The following IGSF11 variants were observed in gnomAD, a reference collection of about 807,000 sequenced individuals.
IGSF11 encodes CXADR like 1.
IGSF11 carries 22 observed loss-of-function variants against 41.0 expected under a neutral mutation model. The observed-to-expected ratio is 0.54, with a 90% CI of 0.38 to 0.77. The LOEUF is 0.77. Among genes scored for constraint, IGSF11 ranks in the 30% least tolerant of loss-of-function variants. The pLI is 0.00. For synonymous variants in IGSF11, 219 were observed against 201.3 expected (o/e 1.09, Z -0.74); for missense variants, 444 against 530.8 (o/e 0.84, Z 1.61).
At chr3:119,046,007 C>G (rs1467470388) in intron 1 of IGSF11, among the ~76,000 whole-genome samples, 1 of 151,384 alleles carries the variant, frequency 6.6e-6, no homozygotes, top group Non-Finnish European at 1.5e-5. Context: ...TCACCATCAT[C>G]AAAGACCAAA....
chr3:118,983,913 T>G (rs1405636816), intron 1 of IGSF11, among the ~76,000 whole-genome samples: 1 of 152,170 alleles, frequency 6.6e-6, no homozygotes, highest in African/African-American at 2.4e-5. Flanking sequence ...AACTTAATCT[T>G]GGCACATTTC....
intron 1 of IGSF11, among the ~76,000 whole-genome samples, chr3:118,939,098 C>T (rs966392030): frequency 6.6e-6 from 1 of 152,180 alleles, no homozygotes; most frequent in Non-Finnish European, 1.5e-5. Context: ...TTAGGATGTT[C>T]TACCTAACAC....
At chr3:119,073,121 C>G (rs1030008439) in intron 1 of IGSF11, among the ~76,000 whole-genome samples, 3 of 152,050 alleles carry the variant, frequency 2.0e-5, no homozygotes, top group Non-Finnish European at 4.4e-5. Context: ...AAACCTTGAG[C>G]TAGACACAGA....
At chr3:118,951,024 C>T (rs1393733443) in intron 1 of IGSF11, among the ~76,000 whole-genome samples, 2 of 152,142 alleles carry the variant, frequency 1.3e-5, no homozygotes, top group Admixed American at 1.3e-4. Context: ...ATTTACAAGC[C>T]ATTAGGTCAG....
upstream of IGSF11, among the ~76,000 whole-genome samples, chr3:119,109,419 A>G (rs976643905): frequency 4.6e-5 from 7 of 152,138 alleles, no homozygotes; most frequent in Admixed American, 2.6e-4. Context: ...TGTAATTCTG[A>G]GGGATCGGTG....
chr3:119,029,237 T>TAC (rs10662902), intron 1 of IGSF11, among the ~76,000 whole-genome samples: 14,817 of 123,020 alleles, frequency 0.12, 841 homozygotes, highest in African/African-American at 0.17. Context: ...CTTTTGGGAA[T>TAC]ACACACACAC....
intron 1 of IGSF11, among the ~76,000 whole-genome samples, chr3:119,057,467 A>G (rs527444983): frequency 8.4e-4 from 128 of 152,316 alleles, no homozygotes; most frequent in African/African-American, 3.0e-3. Context: ...TCAATGAAAT[A>G]AAAGAGGATA....
chr3:118,981,295 A>G (rs948103589), intron 1 of IGSF11, among the ~76,000 whole-genome samples: 6 of 152,054 alleles, frequency 3.9e-5, no homozygotes, highest in Admixed American at 3.3e-4. Context: ...TCAGCCTCCC[A>G]AGTAGCTGGG....
At chr3:118,975,150 A>C (rs1220219476) in intron 1 of IGSF11, among the ~76,000 whole-genome samples, 1 of 152,208 alleles carries the variant, frequency 6.6e-6, no homozygotes, top group Admixed American at 6.5e-5. Flanking sequence ...CTGGAGAAGA[A>C]ATTCTCCTCT....
chr3:118,941,158 T>C (rs1317741739), intron 1 of IGSF11, among the ~76,000 whole-genome samples: 1 of 151,970 alleles, frequency 6.6e-6, no homozygotes. Flanking sequence ...TAAAACAAGG[T>C]AAGTTTCTTG....
At chr3:119,005,725 C>T (rs370022259) in intron 1 of IGSF11, among the ~76,000 whole-genome samples, 201 of 109,518 alleles carry the variant, frequency 1.8e-3, no homozygotes, top group East Asian at 9.6e-3. Context: ...ACTTATGAAG[C>T]TTAGTTTGGC....
At chr3:119,013,221 T>C (rs1938332365) in intron 1 of IGSF11, 1 of 152,278 alleles carries the variant, frequency 6.6e-6, no homozygotes, top group Non-Finnish European at 1.5e-5. Flanking sequence ...CCTTCTAGGC[T>C]CACTTCTTCT....
chr3:119,028,940 G>A (rs970147836), intron 1 of IGSF11, among the ~76,000 whole-genome samples: 11 of 152,108 alleles, frequency 7.2e-5, no homozygotes, highest in Middle Eastern at 3.4e-3. Flanking sequence ...TTTTGGGGAT[G>A]GTAACGTCAG....
chr3:119,129,822 A>G (rs893898373), intron 1 of IGSF11, among the ~76,000 whole-genome samples: 4 of 152,220 alleles, frequency 2.6e-5, no homozygotes, highest in African/African-American at 9.6e-5. Context: ...CTGTCTCTGA[A>G]AAGAATTTAA....
chr3:119,098,491 T>C (rs1282472517), intron 1 of IGSF11, among the ~76,000 whole-genome samples: 1 of 152,198 alleles, frequency 6.6e-6, no homozygotes, highest in East Asian at 1.9e-4. Context: ...GACTATATCT[T>C]ATTCAGTTTT....
At chr3:119,136,955 A>G (rs567691654) in intron 1 of IGSF11, among the ~76,000 whole-genome samples, 2 of 152,306 alleles carry the variant, frequency 1.3e-5, no homozygotes, top group South Asian at 4.1e-4. Context: ...TCTGAAAAAG[A>G]AATCAAGAAA....
intron 1 of IGSF11, among the ~76,000 whole-genome samples, chr3:119,007,782 A>G (rs1937607127): frequency 6.6e-6 from 1 of 152,182 alleles, no homozygotes. Context: ...TATGCCTTCA[A>G]AAAAGCAAAG....
At chr3:119,053,834 A>C (rs1181083684) in intron 1 of IGSF11, among the ~76,000 whole-genome samples, 1 of 152,196 alleles carries the variant, frequency 6.6e-6, no homozygotes, top group Admixed American at 6.5e-5. Context: ...GACCAATGGA[A>C]CAGAAAAGAG....
chr3:119,135,108 C>T (rs1473344533), intron 1 of IGSF11, among the ~76,000 whole-genome samples: 1 of 152,080 alleles, frequency 6.6e-6, no homozygotes, highest in Non-Finnish European at 1.5e-5. Flanking sequence ...CCATAAAAAC[C>T]CTAGAAGAAA....
Sources: allele counts gnomAD v4.1 joint callset (sites outside exome capture counted in the v4.1 genomes callset), GRCh38; gene constraint gnomAD v4.1.1; transcripts MANE v1.5; gene names NCBI Gene and HGNC (gene_info 2026-07-23, HGNC 2026-07-21).